Variants in NXN observed in about 807,000 individuals in gnomAD.
The protein encoded by NXN is nucleoredoxin, also known as nucleoredoxin 1.
NXN carries 16 observed loss-of-function variants against 48.6 expected under a neutral mutation model. The ratio of observed to expected loss-of-function variants is 0.33; its 90% CI spans 0.22 to 0.50. The LOEUF (loss-of-function observed/expected upper bound fraction) is 0.50. Ranked by LOEUF, NXN falls within the 20% of genes least tolerant of loss-of-function variation. The pLI, the probability that NXN is intolerant of heterozygous loss-of-function variation, is 0.98. For missense variants in NXN, 492 were observed against 605.5 expected, an observed-to-expected ratio of 0.81 and a Z score of 1.97; for synonymous variants, 281 against 269.6, an observed-to-expected ratio of 1.04 and a Z score of -0.41.
chr17:934,433 G>A (rs1192303420), intron 1 of NXN, among the ~76,000 whole-genome samples: 1 of 147,276 alleles, frequency 6.8e-6, no homozygotes, highest in East Asian at 2.0e-4. Context: ...GCAACACAAC[G>A]AGACTCTGTC....
chr17:804,411 T>C (rs1911377859), intron 6 of NXN, among the ~76,000 whole-genome samples: 1 of 151,262 alleles, frequency 6.6e-6, no homozygotes, highest in South Asian at 2.1e-4. Context: ...GCCTCCCGAG[T>C]AGCTGGGATT....
chr17:830,777 G>T lies in NXN; in HGVS notation c.361-4699C>A, dbSNP rs1267963916. On this transcript the variant is annotated intron_variant, in intron 1 of 7. Transcript: ENST00000336868. This position sits in a 1 kb window ranked among gnomAD's most constrained non-coding sequence, Gnocchi z 4.2. ...GCAGTTTGGGAGGCCAAGGTGGGCA[G>T]ATCATCTGAGGTCAGGAGTTCGACA... Among the ~76,000 whole-genome samples the T allele has an allele frequency of 6.6e-6, 1 of 152,206 alleles. No homozygotes were observed. Among genetic ancestry groups the T allele is most frequent in the Non-Finnish European group, 1.5e-5 (1 of 68,050 alleles).
chr17:853,774 G>A (rs1165620212), intron 1 of NXN, among the ~76,000 whole-genome samples: 2 of 146,168 alleles, frequency 1.4e-5, no homozygotes, highest in Non-Finnish European at 3.0e-5. Context: ...CCAGGCTGGA[G>A]TGCAGTGGTG....
intron 1 of NXN, among the ~76,000 whole-genome samples, chr17:831,404 C>A (rs1198046195): frequency 6.6e-6 from 1 of 152,072 alleles, no homozygotes; most frequent in Non-Finnish European, 1.5e-5. Flanking sequence ...GGAGGTGGGT[C>A]TTGGAACCAG....
chr17:969,508 C>T (rs1339616503), intron 1 of NXN, among the ~76,000 whole-genome samples: 1 of 152,216 alleles, frequency 6.6e-6, no homozygotes, highest in Non-Finnish European at 1.5e-5. Context: ...ACGCTGCACT[C>T]ACAGCTACAT....
chr17:836,142 G>A (rs949280153), intron 1 of NXN, among the ~76,000 whole-genome samples: 1 of 151,224 alleles, frequency 6.6e-6, no homozygotes, highest in South Asian at 2.1e-4. Flanking sequence ...ACACCGGTGG[G>A]ATTCATCAGC....
chr17:896,860 C>CGGGGGGGCG, intron 1 of NXN: 1 of 566,102 alleles, frequency 1.8e-6, no homozygotes, highest in Non-Finnish European at 2.7e-6. Context: ...CCTGACCACC[C>CGGGGGGGCG]GCCCCCGGCC....
chr17:924,348 T>C (rs2068777753), intron 1 of NXN, among the ~76,000 whole-genome samples: 1 of 152,248 alleles, frequency 6.6e-6, no homozygotes, highest in Non-Finnish European at 1.5e-5. Context: ...GCGATTCTCC[T>C]GCCTCAGCCC....
At chr17:804,069 C>G (rs570017489) in intron 6 of NXN, 1 of 440,186 alleles carries the variant, frequency 2.3e-6, no homozygotes. Context: ...CTCTGCTCTC[C>G]CAGGTAGACA....
intron 1 of NXN, among the ~76,000 whole-genome samples, chr17:937,994 G>C (rs902569637): frequency 6.6e-6 from 1 of 152,234 alleles, no homozygotes; most frequent in African/African-American, 2.4e-5. Context: ...GAAGAACCCA[G>C]AAGGCTTCTG....
chr17:933,475 A>G (rs2068875533), intron 1 of NXN: 1 of 152,074 alleles, frequency 6.6e-6, no homozygotes, highest in African/African-American at 2.4e-5. Flanking sequence ...CGACATGCTC[A>G]CTTCCCAAAT....
rs1421788568 is a variant in NXN, at chr17:830,081, C to T, written c.361-4003G>A. ...CACAATGGTTGAACTAATTGACCCT[C>T]CCACCAACAGTGTCAAAGTTGCTTA... On this transcript the variant is annotated intron_variant, in intron 1 of 7. Transcript: ENST00000336868. This position sits in a 1 kb window ranked among gnomAD's most constrained non-coding sequence, Gnocchi z 4.2. Among the ~76,000 whole-genome samples, 1 of 152,192 alleles carries T rather than the reference C, an allele frequency of 6.6e-6. No homozygotes were observed. The highest frequency in any genetic ancestry group is 1.5e-5 in the Non-Finnish European group (1 of 68,046).
At chr17:916,264 G>A (rs575184868) in intron 1 of NXN, among the ~76,000 whole-genome samples, 50 of 152,234 alleles carry the variant, frequency 3.3e-4, no homozygotes, top group African/African-American at 9.1e-4. Flanking sequence ...CAAGGAGTGA[G>A]GTGCTGTGAG....
chr17:979,749 G>T lies in NXN; in HGVS notation c.-71C>A. 1.6e-6 allele frequency: 2 copies of T among 1,218,994 alleles called. No homozygotes were observed. Among genetic ancestry groups the T allele is most frequent in the South Asian group, 2.4e-5 (1 of 41,670 alleles). The allele number at this position is 1,218,994 out of a possible 1,614,324, so 75.5% of individuals were successfully genotyped here. On this transcript the variant is annotated 5_prime_UTR_variant, in exon 1 of 8. Transcript: ENST00000336868. ...GGTCCGCGCGGCGGGAGGAGGCGGC[G>T]GCGTCGGCGGCAGGCGCTGGGGAGA...
At position 932,952 on chromosome 17, in the gene NXN, C is replaced by T; in HGVS notation, c.360+46367G>A. ...CGTGAGCCACCGCGCCCAGCCCAGC[C>T]CGTCCTCTTGAACCTGCTCAGTTTC... On this transcript the variant is annotated intron_variant, in intron 1 of 7. Coordinates refer to ENST00000336868, the MANE Select transcript of NXN (RefSeq NM_022463.5). The surrounding 1 kb of genome is among the most constrained non-coding windows in gnomAD (Gnocchi z 4.1). Among the ~76,000 whole-genome samples the T allele has an allele frequency of 6.6e-6, 1 of 152,154 alleles. No homozygotes were observed. Among genetic ancestry groups the T allele is most frequent in the East Asian group, 1.9e-4 (1 of 5,188 alleles).
At chr17:845,840 A>C (rs1031566518) in intron 1 of NXN, among the ~76,000 whole-genome samples, 3 of 152,114 alleles carry the variant, frequency 2.0e-5, no homozygotes, top group Admixed American at 6.5e-5. Context: ...GCCGAGGAGG[A>C]GGCCAGGCGG....
intron 1 of NXN, among the ~76,000 whole-genome samples, chr17:926,345 C>G (rs1409723815): frequency 1.3e-5 from 2 of 152,024 alleles, no homozygotes; most frequent in African/African-American, 2.4e-5. Context: ...CACCACTACA[C>G]CCGGCTAATT....
chr17:859,029 GA>G (rs1193920668), intron 1 of NXN, among the ~76,000 whole-genome samples: 7 of 152,326 alleles, frequency 4.6e-5, no homozygotes, highest in African/African-American at 1.7e-4. Flanking sequence ...CTGACAACAT[GA>G]TTTACTATTG....
intron 1 of NXN, among the ~76,000 whole-genome samples, chr17:840,374 C>T (rs1914079716): frequency 6.6e-6 from 1 of 151,978 alleles, no homozygotes; most frequent in African/African-American, 2.4e-5. Context: ...GAGTCTCGCT[C>T]TGCCGCCCAG....
Sources: gnomAD v4.1 joint callset for allele counts (sites outside exome capture counted in the v4.1 genomes callset) on GRCh38, gnomAD v4.1.1 for gene constraint, Gnocchi (gnomAD v3.1) non-coding constraint, MANE v1.5 for transcripts, NCBI Gene and HGNC (gene_info 2026-07-23, HGNC 2026-07-21) for gene names.